The following NEK6 variants were observed in gnomAD, a reference collection of about 807,000 sequenced individuals.
NEK6 encodes the protein NIMA related kinase 6, also known as serine/threonine-protein kinase Nek6.
In NEK6, 27 loss-of-function variants were observed where a neutral mutation model predicts 43.5. The observed-to-expected ratio is 0.62, with a 90% CI of 0.46 to 0.86. The LOEUF (loss-of-function observed/expected upper bound fraction) is 0.86. Among genes scored for constraint, NEK6 ranks in the 40% least tolerant of loss-of-function variants. The probability of loss-of-function intolerance (pLI) is 0.00; values close to 1 mark genes in which losing one functional copy is unlikely to be tolerated. For missense variants in NEK6, 318 were observed against 414.4 expected (o/e 0.77, Z 2.02); for synonymous variants, 167 against 164.1 (o/e 1.02, Z -0.14).
chr9:124,309,344 G>A (rs983022958), intron 2 of NEK6, among the ~76,000 whole-genome samples: 2 of 152,210 alleles, frequency 1.3e-5, no homozygotes, highest in Admixed American at 6.5e-5. Flanking sequence ...CAGGAGCTTC[G>A]GCCCCACTGT....
intron 1 of NEK6, among the ~76,000 whole-genome samples, chr9:124,290,581 G>A (rs1019263356): frequency 1.3e-5 from 2 of 152,252 alleles, no homozygotes; most frequent in African/African-American, 4.8e-5. Context: ...GGGCAGAAGT[G>A]GCTCGTTCTG....
intron 7 of NEK6, among the ~76,000 whole-genome samples, chr9:124,331,259 C>CA (rs779194493): frequency 0.05 from 4,713 of 95,202 alleles, 228 homozygotes; most frequent in Non-Finnish European, 0.072. Context: ...GACTCTGTCT[C>CA]AAAAAAAAAA....
intron 1 of NEK6, among the ~76,000 whole-genome samples, chr9:124,300,861 C>T (rs181047598): frequency 6.6e-6 from 1 of 152,196 alleles, no homozygotes; most frequent in Non-Finnish European, 1.5e-5. Context: ...GCTCCAGGAG[C>T]CTAGGCCAGG....
intron 8 of NEK6, 130 bp from the exon 9 acceptor site, chr9:124,347,579 T>C: frequency 1.8e-6 from 1 of 555,878 alleles, no homozygotes; most frequent in Non-Finnish European, 3.2e-6. Context: ...GGGGGAGAAG[T>C]CCTGCTGGAC....
At chr9:124,320,455 C>A (rs778777432) in intron 4 of NEK6, among the ~76,000 whole-genome samples, 1 of 152,226 alleles carries the variant, frequency 6.6e-6, no homozygotes, top group Non-Finnish European at 1.5e-5. Flanking sequence ...CTTCTCCCAA[C>A]GACTTCCGGG....
intron 1 of NEK6, among the ~76,000 whole-genome samples, chr9:124,264,468 G>C (rs1831148945): frequency 6.6e-6 from 1 of 152,092 alleles, no homozygotes; most frequent in Non-Finnish European, 1.5e-5. Flanking sequence ...TCAACTTTAG[G>C]ATTAGAATTC....
intron 1 of NEK6, chr9:124,262,936 G>A (rs536899141): frequency 3.3e-5 from 5 of 152,328 alleles, no homozygotes; most frequent in African/African-American, 4.8e-5. Flanking sequence ...TGAGGCTTGC[G>A]GGGTGGGTCA....
At chr9:124,334,527 C>T (rs1829191862) in intron 7 of NEK6, among the ~76,000 whole-genome samples, 1 of 152,202 alleles carries the variant, frequency 6.6e-6, no homozygotes, top group African/African-American at 2.4e-5. Context: ...CCCACGTGCC[C>T]AGGCTTTCAA....
intron 4 of NEK6, among the ~76,000 whole-genome samples, chr9:124,318,552 T>A (rs1344446797): frequency 6.6e-6 from 1 of 152,220 alleles, no homozygotes; most frequent in Non-Finnish European, 1.5e-5. Context: ...TGGTTTTGAT[T>A]TACATTTCTC....
chr9:124,264,926 G>A lies in NEK6; in HGVS notation c.-30+6841G>A, dbSNP rs367882527. 2.4e-3 allele frequency among the ~76,000 whole-genome samples: 371 copies of A among 152,242 alleles called. 2 individuals are homozygous for A. Among genetic ancestry groups the A allele is most frequent in the African/African-American group, 8.5e-3 (351 of 41,538 alleles). The stretch of plus-strand genomic sequence containing the variant: ...GAACGTGAGCTCCGGGGAGGCGAAG[G>A]GGGCAAAGCCACCTGCCTGTTGCCT... On this transcript the variant is annotated intron_variant, in intron 1 of 9. Transcript: ENST00000320246.
intron 1 of NEK6, chr9:124,293,153 A>G: frequency 8.7e-7 from 1 of 1,151,850 alleles, no homozygotes; most frequent in East Asian, 3.2e-5. Context: ...GCAAATGATT[A>G]AAATGCAGAC....
At chr9:124,323,184 G>A (rs1435052381) in intron 5 of NEK6, among the ~76,000 whole-genome samples, 1 of 152,252 alleles carries the variant, frequency 6.6e-6, no homozygotes, top group Admixed American at 6.5e-5. Context: ...GTAGTTAGGA[G>A]CCAGTGTGAA....
At chr9:124,293,993 C>T (rs1399959535) in intron 1 of NEK6, among the ~76,000 whole-genome samples, 7 of 152,250 alleles carry the variant, frequency 4.6e-5, no homozygotes, top group Non-Finnish European at 8.8e-5. Flanking sequence ...TCCCTGCAAG[C>T]TTGGGCTGTT....
At chr9:124,266,217 CCTTACCAGGCA>C (rs1336877148) in intron 1 of NEK6, among the ~76,000 whole-genome samples, 2 of 152,120 alleles carry the variant, frequency 1.3e-5, no homozygotes, top group African/African-American at 4.8e-5. Context: ...CGGTAGATGG[CCTTACCAGGCA>C]CTTACTGTGG....
chr9:124,298,866 A>G (rs1832824645), intron 1 of NEK6, among the ~76,000 whole-genome samples: 1 of 152,228 alleles, frequency 6.6e-6, no homozygotes, highest in Non-Finnish European at 1.5e-5. Flanking sequence ...AGCGTAGGGC[A>G]GGGCCCAGCA....
chr9:124,321,510 A>G lies in NEK6; in HGVS notation c.346A>G (p.Asn116Asp), dbSNP rs1168037323. The stretch of plus-strand genomic sequence containing the variant: ...GTATTTGGACTCGTTTATCGAAGAC[A>G]ACGAGCTGAACATTGTGCTGGAGTT... The part of the protein sequence containing the change: ...IKYLDSFIED[N>D]ELNIVLELAD... Residue 116 changes from asparagine (N) to aspartate (D), a missense_variant, in exon 5 of 10, where the codon AAC (asparagine) becomes GAC (aspartate). This residue lies in a region of NEK6 where 239 missense variants were observed against 344.4 expected (regional missense o/e 0.69). Coordinates refer to ENST00000320246, the MANE Select transcript of NEK6 (RefSeq NM_014397.6). 1.7e-5 allele frequency: 27 copies of G among 1,614,156 alleles called. No individual in the cohort carries two copies. The highest frequency in any genetic ancestry group is 2.3e-5 in the Non-Finnish European group (27 of 1,179,988).
chr9:124,292,892 T>C (rs748503425), intron 1 of NEK6: 1 of 1,482,318 alleles, frequency 6.7e-7, no homozygotes, highest in Middle Eastern at 1.8e-4. Context: ...GGGAGCAGGC[T>C]GTGGAGCTGG....
chr9:124,292,475 GC>G, intron 1 of NEK6: 5 of 1,537,070 alleles, frequency 3.3e-6, no homozygotes, highest in Non-Finnish European at 4.4e-6. Flanking sequence ...GAGGCCACGG[GC>G]TTGAAAGCTT....
chr9:124,331,868 G>A (rs1400151136), intron 7 of NEK6, among the ~76,000 whole-genome samples: 1 of 152,230 alleles, frequency 6.6e-6, no homozygotes, highest in Non-Finnish European at 1.5e-5. Context: ...TCCTGCCCCA[G>A]CCCCACCCTG....
Sources: gnomAD v4.1 joint callset for allele counts (sites outside exome capture counted in the v4.1 genomes callset) on GRCh38, gnomAD v4.1.1 for gene constraint, gnomAD v4.1.1 regional missense constraint, MANE v1.5 for transcripts, NCBI Gene and HGNC (gene_info 2026-07-23, HGNC 2026-07-21) for gene names.